PDE7B: variants seen among roughly 807,000 people sequenced by gnomAD.
PDE7B encodes the protein 3',5'-cyclic-AMP phosphodiesterase 7B.
In PDE7B, 29 loss-of-function variants were observed where a neutral mutation model predicts 56.2. That is an observed-to-expected ratio of 0.52 (90% CI 0.38 to 0.70). The LOEUF (loss-of-function observed/expected upper bound fraction) is 0.70. Among genes scored for constraint, PDE7B ranks in the 30% least tolerant of loss-of-function variants. The pLI is 0.00. For missense variants in PDE7B, 490 were observed against 565.0 expected (o/e 0.87, Z 1.35); for synonymous variants, 197 against 196.9 (o/e 1.00, Z 0.00).
intron 5 of PDE7B, among the ~76,000 whole-genome samples, chr6:136,149,716 A>T (rs1778480277): frequency 6.6e-6 from 1 of 152,248 alleles, no homozygotes; most frequent in South Asian, 2.1e-4. Flanking sequence ...ACCTTCCTTA[A>T]GAAAATAATA....
intron 1 of PDE7B, among the ~76,000 whole-genome samples, chr6:135,896,875 A>G (rs1775911679): frequency 6.6e-6 from 1 of 151,994 alleles, no homozygotes; most frequent in South Asian, 2.1e-4. Context: ...TGGAGGCAAT[A>G]GTTAAATACT....
chr6:135,905,340 GTGTGTGTA>G lies in PDE7B; in HGVS notation c.22-42116_22-42109del, dbSNP rs1033374341. 4.4e-4 allele frequency among the ~76,000 whole-genome samples: 41 copies of G among 93,180 alleles called. 2 individuals carry two copies. In the East Asian group the frequency reaches 0.011, roughly 26 times the overall value. 61.1% of individuals were successfully genotyped at this position (93,180 alleles called of 152,430 possible). On this transcript the variant is annotated intron_variant, in intron 1 of 12. Transcript: ENST00000308191. The stretch of plus-strand genomic sequence containing the variant: ...TTATGATGCATACATACATGCGTGT[GTGTGTGTA>G]TGTGTGTGTGTGTGTGTGTGTGTGT...
intron 11 of PDE7B, among the ~76,000 whole-genome samples, chr6:136,185,490 C>T (rs535533843): frequency 6.6e-6 from 1 of 152,168 alleles, no homozygotes; most frequent in East Asian, 1.9e-4. Flanking sequence ...GAGGAGGGCT[C>T]ACACCTGTAA....
chr6:136,068,432 T>C (rs1776985728), intron 2 of PDE7B, among the ~76,000 whole-genome samples: 1 of 137,984 alleles, frequency 7.2e-6, no homozygotes, highest in African/African-American at 2.8e-5. Context: ...CCTTTTTTTT[T>C]TTTTTTTTTT....
chr6:136,180,748 G>A (rs149337180), intron 10 of PDE7B, among the ~76,000 whole-genome samples: 15 of 152,332 alleles, frequency 9.8e-5, no homozygotes, highest in South Asian at 6.2e-4. Flanking sequence ...GGTTTGATAC[G>A]ACTTCATTCC....
intron 8 of PDE7B, among the ~76,000 whole-genome samples, chr6:136,157,534 C>T (rs574288582): frequency 2.0e-5 from 3 of 152,164 alleles, no homozygotes; most frequent in South Asian, 2.1e-4. Context: ...GCCAAGATGG[C>T]GCCACTGCAC....
At chr6:136,162,794 A>G (rs2128448803) in intron 8 of PDE7B, among the ~76,000 whole-genome samples, 1 of 152,330 alleles carries the variant, frequency 6.6e-6, no homozygotes, top group South Asian at 2.1e-4. Flanking sequence ...ATTGGCCAAA[A>G]CAAAAGGGTT....
chr6:135,973,685 C>A (rs1723635682), intron 2 of PDE7B, among the ~76,000 whole-genome samples: 1 of 152,160 alleles, frequency 6.6e-6, no homozygotes, highest in Non-Finnish European at 1.5e-5. Context: ...GGTGATCACT[C>A]ATTGTGGTAT....
chr6:136,148,050 GA>G (rs1280173458), intron 4 of PDE7B, among the ~76,000 whole-genome samples: 2 of 152,084 alleles, frequency 1.3e-5, no homozygotes, highest in Non-Finnish European at 2.9e-5. Context: ...GTGACCATCT[GA>G]AAAAAGTGTT....
At chr6:135,939,077 A>G (rs1774466469) in intron 1 of PDE7B, among the ~76,000 whole-genome samples, 1 of 152,214 alleles carries the variant, frequency 6.6e-6, no homozygotes, top group Non-Finnish European at 1.5e-5. Context: ...CTGAAGAAGA[A>G]AACAAAGCTG....
intron 2 of PDE7B, among the ~76,000 whole-genome samples, chr6:136,064,884 A>T (rs1776907423): frequency 6.6e-6 from 1 of 152,228 alleles, no homozygotes; most frequent in Admixed American, 6.5e-5. Context: ...GAGCAGAAAC[A>T]GTATTTGTTA....
chr6:136,169,910 T>G (rs1016924304), intron 8 of PDE7B, among the ~76,000 whole-genome samples: 5 of 152,178 alleles, frequency 3.3e-5, no homozygotes, highest in Non-Finnish European at 5.9e-5. Flanking sequence ...TAAAGAATAA[T>G]GACTCCTTGG....
chr6:136,037,526 G>T, intron 2 of PDE7B: 1 of 985,460 alleles, frequency 1.0e-6, no homozygotes, highest in African/African-American at 1.7e-5. Flanking sequence ...ACTGGTCTTG[G>T]TGACTGGGCA....
Position 135,869,041 on chromosome 6 carries a change from G to A in PDE7B, c.21+17022G>A, listed in dbSNP as rs116663755. Among the ~76,000 whole-genome samples, 1,030 of 152,158 alleles carry A rather than the reference G, an allele frequency of 6.8e-3. 12 individuals are homozygous for A. Among genetic ancestry groups the A allele is most frequent in the African/African-American group, 0.023 (945 of 41,486 alleles). ...CTTTTGGCCAAAAAAGTAAATATCA[G>A]CAATTTCATATGGCCCAATCGTGTG... On this transcript the variant is annotated intron_variant, in intron 1 of 12. Transcript: ENST00000308191.
chr6:135,914,485 C>CTTTT lies in PDE7B; in HGVS notation c.22-32956_22-32953dup, dbSNP rs759938662. ...CTGGCTTATTTCCCTTTTTATAATG[C>CTTTT]TTTTTTTTTTTTTTTTTTTTTTTTT... On this transcript the variant is annotated intron_variant, in intron 1 of 12. Coordinates refer to ENST00000308191, the MANE Select transcript of PDE7B (RefSeq NM_018945.4). Among the ~76,000 whole-genome samples the CTTTT allele has an allele frequency of 4.1e-4, 17 of 41,918 alleles. 2 individuals carry two copies. The highest frequency in any genetic ancestry group is 2.0e-3 in the African/African-American group (14 of 6,950). 27.5% of individuals were successfully genotyped at this position (41,918 alleles called of 152,430 possible).
chr6:136,070,719 A>AAAAAG (rs1777034557), intron 2 of PDE7B, among the ~76,000 whole-genome samples: 1 of 152,184 alleles, frequency 6.6e-6, no homozygotes, highest in Non-Finnish European at 1.5e-5. Flanking sequence ...TGTATTGTTA[A>AAAAAG]TAATTTGCAA....
At chr6:136,141,674 T>C (rs936639654) in intron 3 of PDE7B, among the ~76,000 whole-genome samples, 12 of 152,324 alleles carry the variant, frequency 7.9e-5, no homozygotes, top group African/African-American at 2.2e-4. Context: ...GAGATTCAAC[T>C]TCTTCCTGGT....
intron 2 of PDE7B, among the ~76,000 whole-genome samples, chr6:136,015,697 C>T (rs1320823364): frequency 6.6e-6 from 1 of 152,010 alleles, no homozygotes; most frequent in Non-Finnish European, 1.5e-5. Context: ...GATAAATATA[C>T]ATTCTTGATT....
intron 2 of PDE7B, among the ~76,000 whole-genome samples, chr6:135,986,935 G>A (rs1187731222): frequency 6.6e-6 from 1 of 152,166 alleles, no homozygotes; most frequent in Non-Finnish European, 1.5e-5. Flanking sequence ...GGGAAGACCT[G>A]ATTGTTGTTT....
Sources: allele counts gnomAD v4.1 joint callset (sites outside exome capture counted in the v4.1 genomes callset), GRCh38; gene constraint gnomAD v4.1.1; transcripts MANE v1.5; gene names NCBI Gene and HGNC (gene_info 2026-07-23, HGNC 2026-07-21).